The following C10orf90 variants were observed in gnomAD, a reference collection of about 807,000 sequenced individuals.
C10orf90 encodes (E2-independent) E3 ubiquitin-conjugating enzyme FATS.
Under a neutral mutation model 62.5 loss-of-function variants are expected in C10orf90, and 56 were observed. The ratio of observed to expected loss-of-function variants is 0.90; its 90% confidence interval spans 0.72 to 1.12. The LOEUF (loss-of-function observed/expected upper bound fraction) is 1.12. C10orf90 is among the 50% of genes most tolerant of loss of function. C10orf90 has a pLI of 0.00. For missense variants in C10orf90, 970 were observed against 880.4 expected (o/e 1.10, Z -1.29); for synonymous variants, 386 against 340.4 (o/e 1.13, Z -1.47).
rs903916999 is a variant in C10orf90, at chr10:126,629,246, G to A, written c.313+17319C>T. On this transcript the variant is annotated intron_variant, in intron 2 of 9. Coordinates refer to ENST00000488181, the MANE Select transcript of C10orf90 (RefSeq NM_001350921.2). ...TGTGAAGGGTAAAAACTTTTATGAC[G>A]ACAGCTTCTTAGATGCTAATTCCAT... Among the ~76,000 whole-genome samples, 8 of 152,250 alleles carry A rather than the reference G, an allele frequency of 5.3e-5. No homozygotes were observed. The Middle Eastern group carries it at 0.01, about 194-fold the overall frequency.
At chr10:126,529,649 CA>C (rs1480472103) in intron 2 of C10orf90, among the ~76,000 whole-genome samples, 1 of 151,992 alleles carries the variant, frequency 6.6e-6, no homozygotes, top group African/African-American at 2.4e-5. Flanking sequence ...GAGAGAAAGG[CA>C]AAATAAAATG....
chr10:126,576,765 A>G (rs1245912851), intron 2 of C10orf90, among the ~76,000 whole-genome samples: 1 of 135,284 alleles, frequency 7.4e-6, no homozygotes, highest in East Asian at 2.1e-4. Flanking sequence ...GATAATATGT[A>G]TATGTACATA....
intron 7 of C10orf90, among the ~76,000 whole-genome samples, chr10:126,432,879 G>A (rs1335689973): frequency 6.6e-6 from 1 of 152,226 alleles, no homozygotes; most frequent in Non-Finnish European, 1.5e-5. Context: ...ACCTATTTAA[G>A]GAGCTTTGCA....
chr10:126,538,306 T>C (rs35113467), intron 2 of C10orf90, among the ~76,000 whole-genome samples: 27,986 of 152,170 alleles, frequency 0.18, 2,959 homozygotes, highest in Middle Eastern at 0.32. Flanking sequence ...GTAGGGATTA[T>C]GGTAGCTACA....
chr10:126,566,170 G>T (rs1844383656), intron 2 of C10orf90, among the ~76,000 whole-genome samples: 1 of 152,128 alleles, frequency 6.6e-6, no homozygotes, highest in Admixed American at 6.5e-5. Context: ...ATCCAATTTG[G>T]TCTCCTCACC....
At chr10:126,565,393 T>TA (rs1844353649) in intron 2 of C10orf90, among the ~76,000 whole-genome samples, 1 of 76,116 alleles carries the variant, frequency 1.3e-5, no homozygotes, top group Non-Finnish European at 2.3e-5. Flanking sequence ...ATATTATATA[T>TA]ATTATATTAT....
At chr10:126,448,716 T>A (rs2134059244) in intron 7 of C10orf90, among the ~76,000 whole-genome samples, 1 of 152,054 alleles carries the variant, frequency 6.6e-6, no homozygotes, top group East Asian at 1.9e-4. Context: ...ACCACAGAAA[T>A]ACAAAGAATT....
chr10:126,511,119 T>C (rs1564845974), intron 3 of C10orf90, among the ~76,000 whole-genome samples: 2 of 152,238 alleles, frequency 1.3e-5, no homozygotes, highest in Admixed American at 6.5e-5. Context: ...GGTCACTAGA[T>C]AATCTGTCAG....
intron 2 of C10orf90, among the ~76,000 whole-genome samples, chr10:126,613,353 C>T (rs1276280107): frequency 3.9e-5 from 6 of 152,128 alleles, no homozygotes. Flanking sequence ...TCCCCCACCT[C>T]AGTCTCCTGA....
intron 4 of C10orf90, among the ~76,000 whole-genome samples, chr10:126,476,543 C>T (rs113123790): frequency 6.6e-6 from 1 of 152,336 alleles, no homozygotes; most frequent in African/African-American, 2.4e-5. Context: ...TCTCTGCCTC[C>T]GTCTCCTGTG....
At chr10:126,660,496 G>T (rs908131229) in intron 1 of C10orf90, among the ~76,000 whole-genome samples, 4 of 152,228 alleles carry the variant, frequency 2.6e-5, no homozygotes, top group African/African-American at 9.7e-5. Context: ...CTGGCTAACA[G>T]CCAGTAAGAA....
At chr10:126,526,023 A>AACACACACACACACACACACACAC (rs3040780) in intron 2 of C10orf90, among the ~76,000 whole-genome samples, 4 of 139,034 alleles carry the variant, frequency 2.9e-5, no homozygotes, top group African/African-American at 1.1e-4. Context: ...CACCTGCCAC[A>AACACACACACACACACACACACAC]ACACACACAC....
At chr10:126,497,571 A>C (rs1236304445) in intron 4 of C10orf90, among the ~76,000 whole-genome samples, 1 of 152,196 alleles carries the variant, frequency 6.6e-6, no homozygotes, top group Non-Finnish European at 1.5e-5. Context: ...AGAATTCACA[A>C]GATGATCTTG....
intron 7 of C10orf90, among the ~76,000 whole-genome samples, chr10:126,433,301 C>T (rs1387429692): frequency 1.3e-5 from 2 of 152,010 alleles, no homozygotes; most frequent in Non-Finnish European, 2.9e-5. Flanking sequence ...GTAAATAAGG[C>T]CTTTAGATGC....
intron 2 of C10orf90, among the ~76,000 whole-genome samples, chr10:126,584,619 C>T (rs968985971): frequency 1.3e-5 from 2 of 152,134 alleles, no homozygotes; most frequent in African/African-American, 4.8e-5. Flanking sequence ...GTACTTTGCT[C>T]ACGTGTGCCC....
intron 1 of C10orf90, among the ~76,000 whole-genome samples, chr10:126,657,140 TG>T (rs752553813): frequency 5.3e-5 from 8 of 151,740 alleles, no homozygotes; most frequent in South Asian, 2.1e-4. Flanking sequence ...CTATTTTGAA[TG>T]TTTTTTTTTA....
chr10:126,466,935 G>T (rs930450227), intron 4 of C10orf90, among the ~76,000 whole-genome samples: 6 of 152,130 alleles, frequency 3.9e-5, no homozygotes, highest in Non-Finnish European at 5.9e-5. Flanking sequence ...AAATATTACA[G>T]ACAGGAAAAG....
At chr10:126,549,896 A>G (rs1489670288) in intron 2 of C10orf90, among the ~76,000 whole-genome samples, 1 of 152,106 alleles carries the variant, frequency 6.6e-6, no homozygotes, top group Non-Finnish European at 1.5e-5. Flanking sequence ...AATAACACCA[A>G]GTGCAAAAAG....
chr10:126,606,758 C>T (rs563015208), intron 2 of C10orf90, among the ~76,000 whole-genome samples: 9 of 152,278 alleles, frequency 5.9e-5, no homozygotes, highest in South Asian at 4.1e-4. Flanking sequence ...ATTTCCATAA[C>T]GTAGCTGCTT....
Sources: allele counts gnomAD v4.1 joint callset (sites outside exome capture counted in the v4.1 genomes callset), GRCh38; gene constraint gnomAD v4.1.1; transcripts MANE v1.5; gene names NCBI Gene and HGNC (gene_info 2026-07-23, HGNC 2026-07-21).